PREX2: variants seen among roughly 807,000 people sequenced by gnomAD.
PREX2 encodes the protein phosphatidylinositol 3,4,5-trisphosphate-dependent Rac exchanger 2 protein.
PREX2 carries 107 observed loss-of-function variants against 203.2 expected under a neutral mutation model. That is an observed-to-expected ratio of 0.53 (90% CI 0.45 to 0.62). PREX2 has a LOEUF of 0.62. Ranked by LOEUF, PREX2 falls within the 20% of genes least tolerant of loss-of-function variation. The probability of loss-of-function intolerance (pLI) is 0.00; values close to 1 mark genes in which losing one functional copy is unlikely to be tolerated. For missense variants in PREX2, 1,777 were observed against 1,955.9 expected (o/e 0.91, Z 1.72); for synonymous variants, 672 against 663.6 (o/e 1.01, Z -0.19).
intron 1 of PREX2, among the ~76,000 whole-genome samples, chr8:67,997,606 T>C (rs956964879): frequency 2.0e-5 from 3 of 152,154 alleles, no homozygotes; most frequent in Non-Finnish European, 4.4e-5. Flanking sequence ...AATCTTTTGT[T>C]TTTCTCTATA....
chr8:67,980,043 ATAAAACT>A, intron 1 of PREX2, among the ~76,000 whole-genome samples: 1 of 152,352 alleles, frequency 6.6e-6, no homozygotes, highest in African/African-American at 2.4e-5. Flanking sequence ...TACAGCACAG[ATAAAACT>A]TGAATTGAGA....
At chr8:68,075,127 C>T (rs974811317) in intron 14 of PREX2, among the ~76,000 whole-genome samples, 8 of 152,126 alleles carry the variant, frequency 5.3e-5, no homozygotes, top group Non-Finnish European at 7.4e-5. Flanking sequence ...CACATCCATG[C>T]GGTCTTACTG....
chr8:68,129,886 CAAA>C (rs3056769), intron 31 of PREX2, among the ~76,000 whole-genome samples: 20,468 of 147,702 alleles, frequency 0.14, 1,778 homozygotes, highest in African/African-American at 0.23. Flanking sequence ...CAATAGTAAG[CAAA>C]AAAAAAAAAA....
chr8:68,095,895 G>C (rs1323117270), intron 21 of PREX2, among the ~76,000 whole-genome samples: 4 of 151,920 alleles, frequency 2.6e-5, no homozygotes, highest in Non-Finnish European at 4.4e-5. Flanking sequence ...CTCCCATTTG[G>C]CCTCCCTGAC....
At chr8:68,191,192 G>A (rs543881030) in intron 35 of PREX2, among the ~76,000 whole-genome samples, 23 of 152,210 alleles carry the variant, frequency 1.5e-4, no homozygotes, top group African/African-American at 4.3e-4. Context: ...ACTTCTAATC[G>A]GAGCATAACT....
rs1375738047 is a variant in PREX2 at position 68,235,896 on chromosome 8, C to T, written c.*4518C>T. The T allele has an allele frequency of 1.3e-5, 2 of 152,102 alleles. No individual in the cohort carries two copies. Among genetic ancestry groups the T allele is most frequent in the African/African-American group, 4.8e-5 (2 of 41,426 alleles). The allele number at this position is 152,102 out of a possible 1,614,324, so 9.4% of individuals were successfully genotyped here. Reference sequence around the variant, plus strand: ...TCATTGAGCAATTGTTATGTAGACACAAGGCCTGCTTCACTCAGGATAGCT... The same window carrying T: ...TCATTGAGCAATTGTTATGTAGACATAAGGCCTGCTTCACTCAGGATAGCT... On this transcript the variant is annotated 3_prime_UTR_variant, in exon 40 of 40. Transcript: ENST00000288368.
At chr8:68,230,595 G>A (rs1332107143) in intron 39 of PREX2, among the ~76,000 whole-genome samples, 2 of 152,118 alleles carry the variant, frequency 1.3e-5, no homozygotes, top group African/African-American at 2.4e-5. Flanking sequence ...AGGAGAATGT[G>A]GAGCACCAGA....
At chr8:68,022,206 A>G (rs561047690) in intron 4 of PREX2, 66 bp downstream of exon 4, 5 of 805,388 alleles carry the variant, frequency 6.2e-6, no homozygotes, top group African/African-American at 5.0e-5. Flanking sequence ...GAGCCAAGGA[A>G]TAGCATCAAT....
intron 20 of PREX2, among the ~76,000 whole-genome samples, chr8:68,092,292 GGT>G (rs1488764604): frequency 6.6e-6 from 1 of 152,112 alleles, no homozygotes; most frequent in Non-Finnish European, 1.5e-5. Flanking sequence ...GCGGCTCATT[GGT>G]GGCCACAACA....
intron 37 of PREX2, among the ~76,000 whole-genome samples, chr8:68,204,634 T>C (rs1812573317): frequency 6.6e-6 from 1 of 151,590 alleles, no homozygotes; most frequent in South Asian, 2.1e-4. Flanking sequence ...GGCTACTTTC[T>C]GCCTGCTTTC....
intron 34 of PREX2, among the ~76,000 whole-genome samples, chr8:68,149,782 C>G (rs1458447011): frequency 1.3e-5 from 2 of 152,116 alleles, no homozygotes; most frequent in African/African-American, 4.8e-5. Context: ...GCCCAAATAC[C>G]AGGATATTTT....
intron 14 of PREX2, 133 bp downstream of exon 14, chr8:68,072,703 G>C (rs895102027): frequency 1.9e-6 from 1 of 520,906 alleles, no homozygotes; most frequent in African/African-American, 2.0e-5. Flanking sequence ...CTAATAGGAA[G>C]CAGAGTTAGG....
intron 37 of PREX2, among the ~76,000 whole-genome samples, chr8:68,203,992 C>T (rs556397941): frequency 9.9e-4 from 150 of 152,252 alleles, no homozygotes; most frequent in Middle Eastern, 3.4e-3. Flanking sequence ...TAAGGAACTT[C>T]GGGTAGCTGG....
chr8:68,090,203 T>A (rs1263983657), intron 19 of PREX2, among the ~76,000 whole-genome samples: 2 of 152,194 alleles, frequency 1.3e-5, no homozygotes, highest in Non-Finnish European at 2.9e-5. Context: ...TATTTAGAAA[T>A]GTTGTAGAAT....
intron 20 of PREX2, among the ~76,000 whole-genome samples, chr8:68,091,191 G>A (rs900782608): frequency 1.3e-5 from 2 of 152,136 alleles, no homozygotes; most frequent in African/African-American, 4.8e-5. Context: ...ACTGGATTTA[G>A]CTCTTAAAGG....
intron 1 of PREX2, among the ~76,000 whole-genome samples, chr8:67,975,368 G>A (rs1330793659): frequency 1.4e-5 from 2 of 146,548 alleles, no homozygotes; most frequent in Non-Finnish European, 3.0e-5. Flanking sequence ...CAGGAACTGG[G>A]CCTTTTTCAC....
At chr8:68,211,740 G>A (rs916651765) in intron 37 of PREX2, among the ~76,000 whole-genome samples, 2 of 152,172 alleles carry the variant, frequency 1.3e-5, no homozygotes, top group African/African-American at 4.8e-5. Flanking sequence ...ATGGACACGG[G>A]ATTGGGGGAG....
At chr8:68,225,502 G>A (rs1252788651) in intron 39 of PREX2, among the ~76,000 whole-genome samples, 1 of 152,124 alleles carries the variant, frequency 6.6e-6, no homozygotes. Context: ...CAAAAAATAG[G>A]TTCTTCCAAA....
At chr8:68,100,128 A>G in intron 23 of PREX2, 1 of 563,544 alleles carries the variant, frequency 1.8e-6, no homozygotes, top group Non-Finnish European at 3.4e-6. Flanking sequence ...CTGGGCATTG[A>G]GTGCAGACCA....
Sources: gnomAD v4.1 joint callset for allele counts (sites outside exome capture counted in the v4.1 genomes callset) on GRCh38, gnomAD v4.1.1 for gene constraint, MANE v1.5 for transcripts, NCBI Gene and HGNC (gene_info 2026-07-23, HGNC 2026-07-21) for gene names.